The following LCP2 variants were observed in gnomAD, a reference collection of about 807,000 sequenced individuals.
LCP2 encodes lymphocyte cytosolic protein 2.
In LCP2, 29 loss-of-function variants were observed where a neutral mutation model predicts 74.5. That is an observed-to-expected ratio of 0.39 (90% confidence interval 0.29 to 0.53). The LOEUF (loss-of-function observed/expected upper bound fraction) is 0.53, where lower values mean the gene tolerates loss of function less well. Among genes scored for constraint, LCP2 ranks in the 20% least tolerant of loss-of-function variants. The pLI is 0.72. For missense variants in LCP2, 604 were observed against 634.6 expected (o/e 0.95, Z 0.52); for synonymous variants, 228 against 229.5 (o/e 0.99, Z 0.06).
intron 6 of LCP2, 52 bp from the exon 7 acceptor site, chr5:170,270,969 C>G: frequency 6.7e-7 from 1 of 1,484,480 alleles, no homozygotes; most frequent in Non-Finnish European, 9.1e-7. Flanking sequence ...CTGTGGCCCT[C>G]GATGTGCCTG....
At chr5:170,291,418 C>T (rs1375922880) in intron 2 of LCP2, among the ~76,000 whole-genome samples, 2 of 152,198 alleles carry the variant, frequency 1.3e-5, no homozygotes, top group Non-Finnish European at 2.9e-5. Context: ...TTTACATCCC[C>T]CAGTTGCAGG....
At chr5:170,259,760 C>T (rs1761620259) in intron 14 of LCP2, among the ~76,000 whole-genome samples, 1 of 152,212 alleles carries the variant, frequency 6.6e-6, no homozygotes, top group South Asian at 2.1e-4. Flanking sequence ...CAAAATCATT[C>T]ATCCCAGTTG....
intron 10 of LCP2, 73 bp from the exon 11 acceptor site, chr5:170,263,065 A>G (rs1245058294): frequency 6.5e-7 from 1 of 1,537,944 alleles, no homozygotes; most frequent in East Asian, 2.3e-5. Context: ...ACACAGTTTG[A>G]TGAAACTATG....
intron 15 of LCP2, 29 bp from the exon 16 acceptor site, chr5:170,258,195 G>C: frequency 6.2e-7 from 1 of 1,612,216 alleles, no homozygotes; most frequent in Non-Finnish European, 8.5e-7. Context: ...CAATGAATGA[G>C]ATTGGCAGGC....
At chr5:170,268,362 TA>T in intron 8 of LCP2, 22 bp downstream of exon 8, 1 of 429,182 alleles carries the variant, frequency 2.3e-6, no homozygotes, top group Non-Finnish European at 3.4e-6. Context: ...CCAAGTACTG[TA>T]AAAGAACGGG....
intron 20 of LCP2, among the ~76,000 whole-genome samples, chr5:170,249,527 T>C (rs989798885): frequency 3.9e-5 from 6 of 151,962 alleles, no homozygotes; most frequent in African/African-American, 1.5e-4. Flanking sequence ...TGCATCTCTA[T>C]TTCACCCCCA....
intron 7 of LCP2, among the ~76,000 whole-genome samples, chr5:170,270,152 T>C (rs555748970): frequency 2.6e-5 from 4 of 152,220 alleles, no homozygotes; most frequent in Non-Finnish European, 5.9e-5. Context: ...GCACTGAGAA[T>C]GGGGCCTGGG....
chr5:170,289,651 T>TTCTCTCTCTCTCTCTCTC (rs1762247411), intron 2 of LCP2, among the ~76,000 whole-genome samples: 2 of 112,686 alleles, frequency 1.8e-5, no homozygotes, highest in African/African-American at 6.9e-5. Context: ...CTTTCTTTCT[T>TTCTCTCTCTCTCTCTCTC]TCTTTCTTTC....
intron 2 of LCP2, among the ~76,000 whole-genome samples, chr5:170,290,322 C>G (rs1353606770): frequency 2.6e-5 from 4 of 152,080 alleles, no homozygotes; most frequent in Admixed American, 2.6e-4. Context: ...TACCCAATAC[C>G]CACTCTCCCT....
At chr5:170,288,464 C>A (rs535399549) in intron 2 of LCP2, among the ~76,000 whole-genome samples, 3 of 152,286 alleles carry the variant, frequency 2.0e-5, no homozygotes, top group Admixed American at 2.0e-4. Context: ...GCCTCTTTTA[C>A]CAACATCACA....
chr5:170,248,588 T>G lies in LCP2; in HGVS notation c.*109A>C. On this transcript the variant is annotated 3_prime_UTR_variant, in exon 21 of 21. Transcript: ENST00000046794. ...GGAAAGGATAAAACCCTTGTGTTCATGGGGAGGGGTTCAGTTCAGTCCTAA... is the reference window on the plus strand; with the variant it reads ...GGAAAGGATAAAACCCTTGTGTTCAGGGGGAGGGGTTCAGTTCAGTCCTAA... The G allele has an allele frequency of 8.8e-7, 1 of 1,137,612 alleles. No individual in the cohort carries two copies. Among genetic ancestry groups the G allele is most frequent in the Non-Finnish European group, 1.3e-6 (1 of 778,326 alleles). 70.5% of individuals were successfully genotyped at this position (1,137,612 alleles called of 1,614,324 possible). A position where few individuals can be genotyped will look rare whatever the true frequency, so the allele number is the denominator to read the frequency against.
At chr5:170,275,886 A>G in intron 3 of LCP2, 26 bp from the exon 4 acceptor site, 5 of 1,538,310 alleles carry the variant, frequency 3.3e-6, no homozygotes, top group Non-Finnish European at 4.4e-6. Flanking sequence ...ACAGATGAAG[A>G]GATAAAACCA....
At chr5:170,262,523 C>G (rs1761673021) in intron 13 of LCP2, 112 bp downstream of exon 13, 1 of 725,666 alleles carries the variant, frequency 1.4e-6, no homozygotes, top group South Asian at 1.9e-5. Flanking sequence ...AAGAAAAGGC[C>G]CACCCTGCCC....
At chr5:170,282,625 T>C (rs982237235) in intron 3 of LCP2, among the ~76,000 whole-genome samples, 1 of 152,264 alleles carries the variant, frequency 6.6e-6, no homozygotes, top group African/African-American at 2.4e-5. Flanking sequence ...ATTGTTCTAA[T>C]TGGGATTTTA....
chr5:170,288,620 A>G (rs1762225267), intron 2 of LCP2, among the ~76,000 whole-genome samples: 1 of 152,164 alleles, frequency 6.6e-6, no homozygotes. Context: ...TCCACCTCTT[A>G]ATGCTTTAGT....
At chr5:170,296,469 T>G (rs1581079993) in intron 1 of LCP2, among the ~76,000 whole-genome samples, 1 of 152,184 alleles carries the variant, frequency 6.6e-6, no homozygotes, top group African/African-American at 2.4e-5. Flanking sequence ...TCTACCCTCT[T>G]GAATCTCAAT....
At chr5:170,250,916 G>T (rs1473580638) in intron 19 of LCP2, 31 bp from the exon 20 acceptor site, 32 of 1,594,648 alleles carry the variant, frequency 2.0e-5, no homozygotes, top group Non-Finnish European at 2.7e-5. Context: ...TATTATGGGA[G>T]CAGTAAAAGT....
rs187154956 is a variant in LCP2, at chr5:170,247,285, T to C, written c.*1412A>G. 1 of 152,244 alleles carries C rather than the reference T, an allele frequency of 6.6e-6. No individual in the cohort carries two copies. Among genetic ancestry groups the C allele is most frequent in the East Asian group, 1.9e-4 (1 of 5,186 alleles). The allele number at this position is 152,244 out of a possible 1,614,324, so 9.4% of individuals were successfully genotyped here. ...ACCCTAAACTGAGAACTTCTGGTTG[T>C]TAAGGATGAGATTTTGTGAAACACC... is the stretch of plus-strand genomic sequence containing the variant. On this transcript the variant is annotated 3_prime_UTR_variant, in exon 21 of 21. Transcript: ENST00000046794.
At chr5:170,280,960 C>T (rs1049951098) in intron 3 of LCP2, among the ~76,000 whole-genome samples, 12 of 152,064 alleles carry the variant, frequency 7.9e-5, no homozygotes, top group Admixed American at 2.0e-4. Context: ...GCCAAGATTG[C>T]GCCACTGCAC....
Sources: gnomAD v4.1 joint callset for allele counts (sites outside exome capture counted in the v4.1 genomes callset) on GRCh38, gnomAD v4.1.1 for gene constraint, MANE v1.5 for transcripts, NCBI Gene and HGNC (gene_info 2026-07-23, HGNC 2026-07-21) for gene names.